The following SPATS2L variants were observed in gnomAD, a reference collection of about 807,000 sequenced individuals.
SPATS2L encodes the protein spermatogenesis associated serine rich 2 like, also known as SPATS2-like protein.
A neutral mutation model predicts 59.6 loss-of-function variants in SPATS2L; 30 were observed. The ratio of observed to expected loss-of-function variants is 0.50; its 90% CI spans 0.38 to 0.68. The LOEUF is 0.68. Ranked by LOEUF, SPATS2L falls within the 30% of genes least tolerant of loss-of-function variation. The pLI is 0.00. For synonymous variants in SPATS2L, 252 were observed against 263.5 expected (o/e 0.96, Z 0.42); for missense variants, 615 against 700.0 (o/e 0.88, Z 1.37).
chr2:200,441,891 T>C (rs2084724257), intron 8 of SPATS2L, among the ~76,000 whole-genome samples: 1 of 152,198 alleles, frequency 6.6e-6, no homozygotes, highest in African/African-American at 2.4e-5. Flanking sequence ...TTGACATTGA[T>C]GTGCTTTTTA....
Position 200,440,129 on chromosome 2 carries a change from T to G in SPATS2L, c.653-520T>G, listed in dbSNP as rs78917047. On this transcript the variant is annotated intron_variant, in intron 7 of 12. Transcript: ENST00000409140. Reference sequence around the variant, plus strand: ...GGAAATCAGGCGAGATGGGCACCCATAGAGCTGCTTTCAATGCTGCTGCTC... The same window carrying G: ...GGAAATCAGGCGAGATGGGCACCCAGAGAGCTGCTTTCAATGCTGCTGCTC... 2.1e-3 allele frequency among the ~76,000 whole-genome samples: 325 copies of G among 152,354 alleles called. 16 individuals are homozygous for G. The East Asian group carries it at 0.055, about 26-fold the overall frequency.
At chr2:200,325,291 C>T (rs1343285062) in intron 1 of SPATS2L, among the ~76,000 whole-genome samples, 1 of 152,134 alleles carries the variant, frequency 6.6e-6, no homozygotes, top group Non-Finnish European at 1.5e-5. Flanking sequence ...TCCCAAATTC[C>T]GTCCCATTCA....
chr2:200,333,061 G>A (rs930939880), intron 2 of SPATS2L, among the ~76,000 whole-genome samples: 3 of 151,894 alleles, frequency 2.0e-5, no homozygotes, highest in Admixed American at 2.0e-4. Flanking sequence ...CTGGGGGGTT[G>A]TTTGAGCCCA....
chr2:200,354,090 G>C (rs1179075709), intron 2 of SPATS2L, among the ~76,000 whole-genome samples: 1 of 152,052 alleles, frequency 6.6e-6, no homozygotes, highest in Non-Finnish European at 1.5e-5. Context: ...TATTTGCCTC[G>C]GTCTGTAATT....
intron 3 of SPATS2L, among the ~76,000 whole-genome samples, chr2:200,399,677 G>A (rs1007955082): frequency 5.3e-5 from 8 of 151,982 alleles, no homozygotes; most frequent in African/African-American, 1.9e-4. Flanking sequence ...TTTTTTAATT[G>A]ATCAAACCTG....
chr2:200,420,450 A>T (rs1324245095), intron 6 of SPATS2L, among the ~76,000 whole-genome samples: 1 of 151,952 alleles, frequency 6.6e-6, no homozygotes, highest in Non-Finnish European at 1.5e-5. Context: ...GAAGTAAGGC[A>T]GTAGTCAGCT....
At chr2:200,418,076 C>T (rs1415328129) in intron 5 of SPATS2L, among the ~76,000 whole-genome samples, 10 of 152,152 alleles carry the variant, frequency 6.6e-5, no homozygotes, top group African/African-American at 2.4e-4. Context: ...TAAAACTCCG[C>T]ATTTTAGACT....
chr2:200,393,375 G>C, intron 3 of SPATS2L: 1 of 456,030 alleles, frequency 2.2e-6, no homozygotes, highest in Non-Finnish European at 4.4e-6. Flanking sequence ...GATCACAGAG[G>C]TTCAGTGTAA....
At chr2:200,387,148 T>G (rs1427243738) in intron 2 of SPATS2L, among the ~76,000 whole-genome samples, 2 of 152,222 alleles carry the variant, frequency 1.3e-5, no homozygotes, top group African/African-American at 4.8e-5. Flanking sequence ...GGGTCAGGAA[T>G]AAGTGAAAAT....
intron 2 of SPATS2L, among the ~76,000 whole-genome samples, chr2:200,342,078 C>T (rs1200982998): frequency 6.6e-6 from 1 of 152,142 alleles, no homozygotes; most frequent in Non-Finnish European, 1.5e-5. Flanking sequence ...CACTCCCTCC[C>T]TTTTTTCTAA....
At chr2:200,381,420 G>A (rs1045911066) in intron 2 of SPATS2L, among the ~76,000 whole-genome samples, 4 of 152,304 alleles carry the variant, frequency 2.6e-5, no homozygotes, top group African/African-American at 9.6e-5. Flanking sequence ...TCGTGCCACA[G>A]TGTGGCCTGT....
At chr2:200,327,658 GA>G (rs977475833) in intron 1 of SPATS2L, among the ~76,000 whole-genome samples, 4 of 152,178 alleles carry the variant, frequency 2.6e-5, no homozygotes, top group Admixed American at 2.6e-4. Flanking sequence ...AAGAAAATTA[GA>G]AAATTGTTTT....
intron 6 of SPATS2L, among the ~76,000 whole-genome samples, chr2:200,436,085 C>G (rs1314034865): frequency 6.6e-6 from 1 of 152,154 alleles, no homozygotes; most frequent in Non-Finnish European, 1.5e-5. Flanking sequence ...GGCTACCTTA[C>G]TGGACACTGG....
At position 200,478,192 on chromosome 2, in the gene SPATS2L, T is replaced by C; in HGVS notation, c.*161T>C. 3.1e-6 allele frequency: 2 copies of C among 653,150 alleles called. No individual in the cohort carries two copies. The highest frequency in any genetic ancestry group is 4.6e-6 in the Non-Finnish European group (2 of 435,780). The allele number at this position is 653,150 out of a possible 1,614,324, so 40.5% of individuals were successfully genotyped here. On this transcript the variant is annotated 3_prime_UTR_variant, in exon 13 of 13. Transcript: ENST00000409140. Reference sequence around the variant, plus strand: ...ACTAATTCTAATAATCAGCTCTAGCTTGCTTCATAATTTTCATGGCTTTGC... The same window carrying C: ...ACTAATTCTAATAATCAGCTCTAGCCTGCTTCATAATTTTCATGGCTTTGC...
intron 2 of SPATS2L, among the ~76,000 whole-genome samples, chr2:200,387,082 T>C (rs953018834): frequency 6.6e-6 from 1 of 152,222 alleles, no homozygotes; most frequent in African/African-American, 2.4e-5. Context: ...TCATTCATGT[T>C]CACTATTAGA....
chr2:200,334,316 A>C (rs2080063011), intron 2 of SPATS2L, among the ~76,000 whole-genome samples: 2 of 152,196 alleles, frequency 1.3e-5, no homozygotes, highest in African/African-American at 2.4e-5. Context: ...TCTTTTGAGA[A>C]GTGTCTGTTC....
intron 1 of SPATS2L, among the ~76,000 whole-genome samples, chr2:200,316,754 G>C (rs1461235828): frequency 6.6e-6 from 1 of 152,164 alleles, no homozygotes; most frequent in Non-Finnish European, 1.5e-5. Context: ...TCTTGGGACA[G>C]TAGTGTCCCT....
At chr2:200,440,849 T>G in intron 8 of SPATS2L, 65 bp downstream of exon 8, 1 of 1,550,270 alleles carries the variant, frequency 6.5e-7, no homozygotes. Context: ...GGTAAAAGTA[T>G]CAGATGGAAA....
rs769193045 is a variant in SPATS2L, at chr2:200,439,266, T to G, written c.590T>G (p.Val197Gly). The G allele has an allele frequency of 5.0e-6, 8 of 1,613,626 alleles. No individual in the cohort carries two copies. The African/African-American group carries it at 1.1e-4, about 22-fold the overall frequency. Residue 197 changes from valine to glycine, a missense_variant, in exon 7 of 13, where the codon GTT becomes GGT. By Grantham distance (109) the Val-to-Gly change is moderately radical. Transcript: ENST00000409140. ...AAGCCTAAGGCAAAAACATCTCCTG[T>G]TAAGTCCAATACCCCTGCAGCTCAT... ...PSKPKAKTSPVKSNTPAAHLE... is the reference protein window; with the variant it reads ...PSKPKAKTSPGKSNTPAAHLE...
Sources: allele counts gnomAD v4.1 joint callset (sites outside exome capture counted in the v4.1 genomes callset), GRCh38; gene constraint gnomAD v4.1.1; transcripts MANE v1.5; gene names NCBI Gene and HGNC (gene_info 2026-07-23, HGNC 2026-07-21).